DMD: variants seen among roughly 807,000 people sequenced by gnomAD.
DMD encodes mutant dystrophin.
In DMD, 63 loss-of-function variants were observed where a neutral mutation model predicts 330.1. That is an observed-to-expected ratio of 0.19 (90% CI 0.16 to 0.24). DMD has a LOEUF of 0.24. DMD is among the 10% of genes least tolerant of loss of function. The pLI, the probability that DMD is intolerant of heterozygous loss-of-function variation, is 1.00. For missense variants in DMD, 3,344 were observed against 2,684.1 expected, an observed-to-expected ratio of 1.25 and a Z score of -5.43; for synonymous variants, 1,223 against 959.8, an observed-to-expected ratio of 1.27 and a Z score of -5.07.
intron 50 of DMD, among the ~76,000 whole-genome samples, chrX:31,786,172 G>A (rs751548693): frequency 3.6e-5 from 4 of 111,599 alleles, no homozygotes; most frequent in Non-Finnish European, 5.7e-5. Context: ...ATCTCATTGC[G>A]GTTTTGATTT....
chrX:31,203,845 C>A, intron 67 of DMD, 116 bp downstream of exon 67: 1 of 638,263 alleles, frequency 1.6e-6, no homozygotes, highest in Non-Finnish European at 2.5e-6. Context: ...TATCCCAAAT[C>A]CCATACCTAC....
chrX:32,580,603 T>G (rs1442254676), intron 13 of DMD, among the ~76,000 whole-genome samples: 1 of 111,652 alleles, frequency 9.0e-6, no homozygotes, highest in Non-Finnish European at 1.9e-5. Context: ...ATAGTAAGGA[T>G]TTAGAGCTCA....
intron 7 of DMD, among the ~76,000 whole-genome samples, chrX:32,760,412 A>G (rs2072122736): frequency 8.9e-6 from 1 of 112,004 alleles, no homozygotes; most frequent in Admixed American, 9.4e-5. Flanking sequence ...TATCTGCCCT[A>G]CTTTGTTGCC....
At chrX:32,719,621 T>C (rs2066062733) in intron 7 of DMD, among the ~76,000 whole-genome samples, 1 of 112,018 alleles carries the variant, frequency 8.9e-6, no homozygotes, top group Admixed American at 9.5e-5. Flanking sequence ...GGTGGAAATA[T>C]TTTGGATATT....
chrX:32,136,793 A>T (rs1260968434), intron 44 of DMD, among the ~76,000 whole-genome samples: 1 of 104,010 alleles, frequency 9.6e-6, no homozygotes. Flanking sequence ...AGAAAATAAT[A>T]TTGGGAATTG....
At chrX:32,412,082 T>A (rs767710868) in intron 29 of DMD, 169 bp from the exon 30 acceptor site, 1 of 1,176,355 alleles carries the variant, frequency 8.5e-7, no homozygotes, top group African/African-American at 1.8e-5. Context: ...AGAAAAAAAA[T>A]GTGAAGGAGA....
At chrX:32,772,230 C>T (rs1042931137) in intron 7 of DMD, among the ~76,000 whole-genome samples, 4 of 112,728 alleles carry the variant, frequency 3.5e-5, no homozygotes, top group African/African-American at 1.3e-4. Context: ...TAATTCATGA[C>T]ATATTCTACT....
chrX:32,663,484 C>A (rs931601362), intron 9 of DMD, among the ~76,000 whole-genome samples: 1 of 111,452 alleles, frequency 9.0e-6, no homozygotes, highest in African/African-American at 3.3e-5. Context: ...AACAAAAGAG[C>A]CTTTATACAT....
At chrX:32,490,273 TA>T (rs998329221) in intron 20 of DMD, among the ~76,000 whole-genome samples, 1 of 112,052 alleles carries the variant, frequency 8.9e-6, no homozygotes, top group Non-Finnish European at 1.9e-5. Flanking sequence ...GTCCATCCTC[TA>T]ATCAGTTTCT....
chrX:31,498,178 T>C (rs1251076573), intron 56 of DMD, among the ~76,000 whole-genome samples: 2 of 111,634 alleles, frequency 1.8e-5, no homozygotes, highest in Non-Finnish European at 3.8e-5. Context: ...ACAAAGAAAT[T>C]GGAAAAAGAT....
chrX:31,297,232 A>G (rs997303933), intron 62 of DMD, among the ~76,000 whole-genome samples: 3 of 110,638 alleles, frequency 2.7e-5, no homozygotes, highest in African/African-American at 9.9e-5. Flanking sequence ...GTGGTAAACT[A>G]AACCTTGTCT....
At chrX:31,305,589 C>G (rs1453578252) in intron 62 of DMD, among the ~76,000 whole-genome samples, 2 of 112,040 alleles carry the variant, frequency 1.8e-5, no homozygotes, top group Admixed American at 1.9e-4. Context: ...ACTATCTGGT[C>G]TCCCTGCTTC....
chrX:32,745,816 G>A (rs1435231220), intron 7 of DMD, among the ~76,000 whole-genome samples: 2 of 112,265 alleles, frequency 1.8e-5, no homozygotes, highest in Non-Finnish European at 3.8e-5. Flanking sequence ...TATAAGTAAT[G>A]TAGTCATATA....
intron 2 of DMD, among the ~76,000 whole-genome samples, chrX:32,884,084 A>G (rs967470708): frequency 4.5e-5 from 5 of 110,352 alleles, no homozygotes; most frequent in Non-Finnish European, 9.4e-5. Context: ...TAAACATGCC[A>G]TCCTCAATAT....
intron 2 of DMD, among the ~76,000 whole-genome samples, chrX:32,888,938 A>G (rs1248689743): frequency 9.0e-6 from 1 of 111,057 alleles, no homozygotes; most frequent in East Asian, 2.8e-4. Context: ...TTTTGGAAAA[A>G]AATGTGAAAT....
chrX:32,225,354 G>C (rs1164941375), intron 43 of DMD, among the ~76,000 whole-genome samples: 2 of 111,644 alleles, frequency 1.8e-5, no homozygotes, highest in East Asian at 2.8e-4. Flanking sequence ...TTGGCCCATG[G>C]GCAGGAGATT....
chrX:32,778,987 T>A (rs2074442514), intron 7 of DMD, among the ~76,000 whole-genome samples: 1 of 111,758 alleles, frequency 8.9e-6, no homozygotes, highest in South Asian at 3.7e-4. Flanking sequence ...AAAAGTCGTA[T>A]CATATTGAGT....
At chrX:31,172,513 C>A in intron 72 of DMD, 100 bp from the exon 73 acceptor site, 1 of 667,527 alleles carries the variant, frequency 1.5e-6, no homozygotes, top group Non-Finnish European at 2.4e-6. Context: ...TAAATCATGG[C>A]AAGAAGAGAA....
chrX:32,928,847 A>C (rs931357369), intron 2 of DMD, among the ~76,000 whole-genome samples: 1 of 112,360 alleles, frequency 8.9e-6, no homozygotes, highest in African/African-American at 3.2e-5. Context: ...TACTACAAAC[A>C]AATATAATGA....
Sources: allele counts gnomAD v4.1 joint callset (sites outside exome capture counted in the v4.1 genomes callset), GRCh38; gene constraint gnomAD v4.1.1; transcripts MANE v1.5; gene names NCBI Gene and HGNC (gene_info 2026-07-23, HGNC 2026-07-21).